The following BBS9 variants were observed in gnomAD, a reference collection of about 807,000 sequenced individuals.
The protein encoded by BBS9 is Bardet-Biedl syndrome 9.
A neutral mutation model predicts 117.7 loss-of-function variants in BBS9; 89 were observed. The ratio of observed to expected loss-of-function variants is 0.76; its 90% confidence interval spans 0.64 to 0.90. The LOEUF (loss-of-function observed/expected upper bound fraction) is 0.90, where lower values mean the gene tolerates loss of function less well. Among genes scored for constraint, BBS9 ranks in the 40% least tolerant of loss-of-function variants. BBS9 has a pLI of 0.00. For synonymous variants in BBS9, 379 were observed against 370.9 expected (o/e 1.02, Z -0.25); for missense variants, 982 against 1,042.2 (o/e 0.94, Z 0.80).
chr7:33,305,270 A>G (rs1807645404), intron 9 of BBS9, among the ~76,000 whole-genome samples: 1 of 152,052 alleles, frequency 6.6e-6, no homozygotes, highest in Non-Finnish European at 1.5e-5. Context: ...GGTCCTAATG[A>G]ATCATCTTTT....
At chr7:33,359,378 G>T (rs1384942078) in intron 16 of BBS9, among the ~76,000 whole-genome samples, 1 of 151,946 alleles carries the variant, frequency 6.6e-6, no homozygotes, top group Non-Finnish European at 1.5e-5. Flanking sequence ...AAGTCCATAA[G>T]ATACGAATTG....
chr7:33,405,065 A>T (rs1829669780), intron 19 of BBS9, among the ~76,000 whole-genome samples: 2 of 152,128 alleles, frequency 1.3e-5, no homozygotes, highest in Non-Finnish European at 2.9e-5. Context: ...GTGTTGTTGA[A>T]TTTTGTCAAA....
At chr7:33,561,318 G>A (rs888167336) in intron 21 of BBS9, among the ~76,000 whole-genome samples, 1 of 152,120 alleles carries the variant, frequency 6.6e-6, no homozygotes, top group East Asian at 1.9e-4. Flanking sequence ...TGTTTGTCCT[G>A]TCTTATTTCC....
At chr7:33,530,624 C>T (rs1370161735) in intron 20 of BBS9, among the ~76,000 whole-genome samples, 1 of 152,094 alleles carries the variant, frequency 6.6e-6, no homozygotes, top group Non-Finnish European at 1.5e-5. Flanking sequence ...CCCATTATTA[C>T]TGAAATTCAA....
intron 21 of BBS9, among the ~76,000 whole-genome samples, chr7:33,626,796 A>G (rs1865656458): frequency 6.6e-6 from 1 of 152,230 alleles, no homozygotes; most frequent in Non-Finnish European, 1.5e-5. Flanking sequence ...AGCATTAAAT[A>G]TGTTGCCTGG....
chr7:33,303,791 A>T (rs144582942), intron 9 of BBS9, among the ~76,000 whole-genome samples: 1 of 151,672 alleles, frequency 6.6e-6, no homozygotes, highest in Non-Finnish European at 1.5e-5. Flanking sequence ...TTGCAGATGG[A>T]GTCTCGCTCA....
intron 19 of BBS9, among the ~76,000 whole-genome samples, chr7:33,425,440 C>T (rs1357212963): frequency 6.6e-6 from 1 of 152,148 alleles, no homozygotes; most frequent in African/African-American, 2.4e-5. Flanking sequence ...CTGCACTTAT[C>T]AGCCCATCAC....
intron 9 of BBS9, among the ~76,000 whole-genome samples, chr7:33,298,038 A>C (rs1434813036): frequency 6.6e-6 from 1 of 151,990 alleles, no homozygotes; most frequent in East Asian, 1.9e-4. Context: ...CTAGACTTTG[A>C]ATTGTTAATT....
chr7:33,406,020 G>C (rs367695756), intron 19 of BBS9, among the ~76,000 whole-genome samples: 1 of 151,970 alleles, frequency 6.6e-6, no homozygotes, highest in Admixed American at 6.5e-5. Flanking sequence ...CTTTGAATGC[G>C]TCCCAGAGAT....
chr7:33,454,494 G>T (rs1186946402), intron 19 of BBS9, among the ~76,000 whole-genome samples: 1 of 152,138 alleles, frequency 6.6e-6, no homozygotes, highest in Non-Finnish European at 1.5e-5. Flanking sequence ...TTTCTCTCTG[G>T]CCTGTATTTT....
intron 2 of BBS9, among the ~76,000 whole-genome samples, chr7:33,148,662 CTTT>C (rs554496476): frequency 9.0e-5 from 12 of 132,966 alleles, no homozygotes; most frequent in Non-Finnish European, 9.7e-5. Context: ...TGCACCTGGC[CTTT>C]TTTTTTTTTT....
intron 19 of BBS9, among the ~76,000 whole-genome samples, chr7:33,415,543 C>A (rs1264806778): frequency 6.6e-6 from 1 of 152,114 alleles, no homozygotes; most frequent in Non-Finnish European, 1.5e-5. Flanking sequence ...AGTAAGACAC[C>A]ATTTCATCTA....
chr7:33,301,586 A>C (rs1460423967), intron 9 of BBS9, among the ~76,000 whole-genome samples: 1 of 152,170 alleles, frequency 6.6e-6, no homozygotes, highest in Non-Finnish European at 1.5e-5. Flanking sequence ...ATGTTGTTGC[A>C]AATGGCAGGA....
At chr7:33,463,787 C>T (rs1839806664) in intron 19 of BBS9, among the ~76,000 whole-genome samples, 1 of 152,056 alleles carries the variant, frequency 6.6e-6, no homozygotes, top group African/African-American at 2.4e-5. Context: ...TTCCTACATT[C>T]ACTTATGGAA....
rs10275832 is a variant in BBS9 at position 33,147,659 on chromosome 7, C to T, written c.112+1295C>T. Among the ~76,000 whole-genome samples, 605 of 152,310 alleles carry T rather than the reference C, an allele frequency of 4.0e-3. 4 individuals carry two copies. Among genetic ancestry groups the T allele is most frequent in the African/African-American group, 0.014 (579 of 41,564 alleles). On this transcript the variant is annotated intron_variant, in intron 2 of 22. Coordinates refer to ENST00000242067, the MANE Select transcript of BBS9 (RefSeq NM_198428.3). Reference sequence around the variant, plus strand: ...CCACAGAAATACCTGCCAGAGAGAACAATTTCAAACCCACTTCTGCCTAAA... The same window carrying T: ...CCACAGAAATACCTGCCAGAGAGAATAATTTCAAACCCACTTCTGCCTAAA...
At chr7:33,240,822 T>G (rs982392775) in intron 5 of BBS9, among the ~76,000 whole-genome samples, 3 of 152,204 alleles carry the variant, frequency 2.0e-5, no homozygotes, top group African/African-American at 7.2e-5. Context: ...GTTTTTTGGT[T>G]GGTTAGATCT....
At chr7:33,485,111 T>C (rs1842926572) in intron 19 of BBS9, among the ~76,000 whole-genome samples, 1 of 151,916 alleles carries the variant, frequency 6.6e-6, no homozygotes, top group African/African-American at 2.4e-5. Context: ...CATGGACACA[T>C]TGTTGGGGGG....
At chr7:33,311,332 G>C (rs1809179173) in intron 9 of BBS9, among the ~76,000 whole-genome samples, 1 of 152,160 alleles carries the variant, frequency 6.6e-6, no homozygotes, top group East Asian at 1.9e-4. Flanking sequence ...GGAGGTTTCT[G>C]ATCAAGGGAA....
intron 9 of BBS9, among the ~76,000 whole-genome samples, chr7:33,313,744 A>G (rs1809835666): frequency 6.6e-6 from 1 of 152,174 alleles, no homozygotes; most frequent in African/African-American, 2.4e-5. Flanking sequence ...CATTTTAATT[A>G]CCATGTCCCT....
Sources: allele counts gnomAD v4.1 joint callset (sites outside exome capture counted in the v4.1 genomes callset), GRCh38; gene constraint gnomAD v4.1.1; transcripts MANE v1.5; gene names NCBI Gene and HGNC (gene_info 2026-07-23, HGNC 2026-07-21).